PLD1: variants seen among roughly 807,000 people sequenced by gnomAD.
PLD1 encodes choline phosphatase 1.
PLD1 carries 112 observed loss-of-function variants against 137.1 expected under a neutral mutation model. The ratio of observed to expected loss-of-function variants is 0.82; its 90% CI spans 0.70 to 0.96. PLD1 has a LOEUF of 0.96. Among genes scored for constraint, PLD1 ranks in the 40% least tolerant of loss-of-function variants. PLD1 has a pLI of 0.00. For missense variants in PLD1, 1,321 were observed against 1,342.0 expected, an observed-to-expected ratio of 0.98 and a Z score of 0.24; for synonymous variants, 431 against 454.7, an observed-to-expected ratio of 0.95 and a Z score of 0.66.
At chr3:171,622,365 G>A (rs1026192542) in intron 23 of PLD1, among the ~76,000 whole-genome samples, 1 of 152,164 alleles carries the variant, frequency 6.6e-6, no homozygotes, top group African/African-American at 2.4e-5. Context: ...GTTTCTGAAT[G>A]ACACTGCCAT....
intron 6 of PLD1, among the ~76,000 whole-genome samples, chr3:171,727,855 G>A (rs143451093): frequency 1.5e-3 from 225 of 152,244 alleles, no homozygotes; most frequent in African/African-American, 5.0e-3. Flanking sequence ...ATCTCAAGGC[G>A]TCCATCCTTG....
intron 9 of PLD1, among the ~76,000 whole-genome samples, chr3:171,712,542 A>G (rs1469829199): frequency 6.6e-6 from 1 of 152,214 alleles, no homozygotes; most frequent in East Asian, 1.9e-4. Flanking sequence ...TGCTGCCTTC[A>G]TAGAACCTGC....
chr3:171,743,814 C>T (rs1270530681), intron 1 of PLD1, among the ~76,000 whole-genome samples: 1 of 152,204 alleles, frequency 6.6e-6, no homozygotes, highest in African/African-American at 2.4e-5. Context: ...TAGACAGGGA[C>T]ACTCTTTGGG....
intron 23 of PLD1, among the ~76,000 whole-genome samples, chr3:171,625,610 G>A (rs1734034137): frequency 6.6e-6 from 1 of 152,220 alleles, no homozygotes; most frequent in Non-Finnish European, 1.5e-5. Context: ...CCCCGTAGGT[G>A]CAGACTGACA....
In PLD1 at chr3:171,709,618, G is replaced by A; in HGVS notation, c.1003C>T (p.Leu335Phe). The A allele has an allele frequency of 1.2e-6, 2 of 1,614,032 alleles. No individual in the cohort carries two copies. Among genetic ancestry groups the A allele is most frequent in the Non-Finnish European group, 1.7e-6 (2 of 1,179,894 alleles). Residue 335 changes from leucine (L) to phenylalanine (F), a missense_variant, in exon 10 of 27, where the codon CTC becomes TTC. Transcript: ENST00000351298. ...TATGACCCAAATCGATGATCTTTGA[G>A]AAAGTTGGTGCCATGTTTCTGGATG... ...EFIQKHGTNFLKDHRFGSYAA... is the reference protein window; with the variant it reads ...EFIQKHGTNFFKDHRFGSYAA...
chr3:171,773,795 C>T (rs530920692), intron 1 of PLD1, among the ~76,000 whole-genome samples: 3 of 152,076 alleles, frequency 2.0e-5, no homozygotes, highest in Admixed American at 6.5e-5. Context: ...GTCACCCAGG[C>T]GGGACTGCAG....
chr3:171,635,940 A>G (rs1319623324), intron 23 of PLD1, among the ~76,000 whole-genome samples: 1 of 84,686 alleles, frequency 1.2e-5, no homozygotes, highest in African/African-American at 3.8e-5. Context: ...ATTTTTGTAT[A>G]TGGTATGAGG....
rs139180482 is a variant in PLD1 at position 171,648,492 on chromosome 3, T to A, written c.2430-3469A>T. Among the ~76,000 whole-genome samples, 748 of 152,314 alleles carry A rather than the reference T, an allele frequency of 4.9e-3. 5 individuals are homozygous for A. Among genetic ancestry groups the A allele is most frequent in the African/African-American group, 0.017 (722 of 41,564 alleles). On this transcript the variant is annotated intron_variant, in intron 21 of 26. Coordinates refer to ENST00000351298, the MANE Select transcript of PLD1 (RefSeq NM_002662.5). ...AATATTAGAATACTATAAACACTTTTCTGAACATGATTTTTATCATTTAAC... is the reference window on the plus strand; with the variant it reads ...AATATTAGAATACTATAAACACTTTACTGAACATGATTTTTATCATTTAAC...
At chr3:171,681,953 A>C (rs576386491) in intron 16 of PLD1, among the ~76,000 whole-genome samples, 1 of 152,146 alleles carries the variant, frequency 6.6e-6, no homozygotes, top group Non-Finnish European at 1.5e-5. Flanking sequence ...AAAGGAAAAG[A>C]TCAGCACATA....
intron 1 of PLD1, among the ~76,000 whole-genome samples, chr3:171,755,188 T>C (rs866191387): frequency 6.6e-6 from 1 of 152,140 alleles, no homozygotes; most frequent in Non-Finnish European, 1.5e-5. Context: ...CTGGTATTTA[T>C]GGGGCTTTCC....
At chr3:171,773,553 C>T (rs1208462899) in intron 1 of PLD1, among the ~76,000 whole-genome samples, 1 of 151,868 alleles carries the variant, frequency 6.6e-6, no homozygotes, top group East Asian at 2.0e-4. Flanking sequence ...AGTGAGCCGA[C>T]TTCGTGCCAT....
rs1402504220 is a variant in PLD1, at chr3:171,767,887, G to A, written c.-31-29805C>T. Among the ~76,000 whole-genome samples, 3 of 152,152 alleles carry A rather than the reference G, an allele frequency of 2.0e-5. No homozygotes were observed. The East Asian group carries it at 5.8e-4, about 29-fold the overall frequency. On this transcript the variant is annotated intron_variant, in intron 1 of 26. Coordinates refer to ENST00000351298, the MANE Select transcript of PLD1 (RefSeq NM_002662.5). The stretch of plus-strand genomic sequence containing the variant: ...AAGACCAAGAGTTTGAGGTTGCAGT[G>A]AGCAGTGATCGTGCCACTGCACTCC...
In PLD1 at chr3:171,735,481, A is replaced by G. The variant is rs1213941879; in HGVS notation, c.434+11T>C. ...CTTGTATACTGGCATAATTAATTCC[A>G]AAATGGTTACCTTCTAGTGGGAATG... On this transcript the variant is annotated intron_variant, in intron 4 of 26. Transcript: ENST00000351298. 1.2e-6 allele frequency: 2 copies of G among 1,611,200 alleles called. No individual in the cohort carries two copies. Among genetic ancestry groups the G allele is most frequent in the Admixed American group, 3.3e-5 (2 of 60,010 alleles).
At chr3:171,799,210 G>A (rs531596537) in intron 1 of PLD1, among the ~76,000 whole-genome samples, 12 of 151,846 alleles carry the variant, frequency 7.9e-5, no homozygotes, top group Non-Finnish European at 1.3e-4. Context: ...GTGGTGGTGC[G>A]AGCCTGTAAT....
At chr3:171,726,491 G>A (rs533640698) in intron 6 of PLD1, among the ~76,000 whole-genome samples, 41 of 152,290 alleles carry the variant, frequency 2.7e-4, no homozygotes, top group African/African-American at 9.4e-4. Context: ...GACTGGATTT[G>A]GGCCCACAGT....
chr3:171,800,876 A>C (rs1373566180), intron 1 of PLD1, among the ~76,000 whole-genome samples: 1 of 152,148 alleles, frequency 6.6e-6, no homozygotes, highest in Non-Finnish European at 1.5e-5. Flanking sequence ...TAAAGGCACT[A>C]ATCTCATTGA....
intron 8 of PLD1, among the ~76,000 whole-genome samples, chr3:171,724,325 C>G (rs1175022882): frequency 1.3e-5 from 2 of 152,182 alleles, no homozygotes; most frequent in Non-Finnish European, 2.9e-5. Context: ...TTGTCCATCT[C>G]TTTGATTATA....
chr3:171,602,863 C>A lies in PLD1; in HGVS notation c.*215G>T. On this transcript the variant is annotated 3_prime_UTR_variant, in exon 27 of 27. Coordinates refer to ENST00000351298, the MANE Select transcript of PLD1 (RefSeq NM_002662.5). The stretch of plus-strand genomic sequence containing the variant: ...ATGCTACCAACAAGAATGCAGCCCC[C>A]TTTTTACAAGTTAGGCAGAAGGAAT... 1 of 567,662 alleles carries A rather than the reference C, an allele frequency of 1.8e-6. No homozygotes were observed. Among genetic ancestry groups the A allele is most frequent in the Non-Finnish European group, 3.1e-6 (1 of 318,784 alleles). The allele number at this position is 567,662 out of a possible 1,614,324, so 35.2% of individuals were successfully genotyped here.
chr3:171,798,713 C>T (rs939100309), intron 1 of PLD1, among the ~76,000 whole-genome samples: 6 of 152,130 alleles, frequency 3.9e-5, no homozygotes, highest in African/African-American at 1.4e-4. Flanking sequence ...ATATTGTTAT[C>T]CTTTATTTGA....
Sources: allele counts gnomAD v4.1 joint callset (sites outside exome capture counted in the v4.1 genomes callset), GRCh38; gene constraint gnomAD v4.1.1; transcripts MANE v1.5; gene names NCBI Gene and HGNC (gene_info 2026-07-23, HGNC 2026-07-21).